Variants in MDGA2 observed in about 807,000 individuals in gnomAD.
MDGA2 encodes MAM domain containing glycosylphosphatidylinositol anchor 2.
Under a neutral mutation model 117.8 loss-of-function variants are expected in MDGA2, and 40 were observed. The observed-to-expected ratio is 0.34, with a 90% CI of 0.26 to 0.44. The LOEUF is 0.44. MDGA2 is among the 20% of genes least tolerant of loss of function. The pLI, the probability that MDGA2 is intolerant of heterozygous loss-of-function variation, is 1.00. For synonymous variants in MDGA2, 452 were observed against 439.0 expected (o/e 1.03, Z -0.37); for missense variants, 1,123 against 1,250.6 (o/e 0.90, Z 1.54).
chr14:47,302,397 C>A (rs2139815598), intron 1 of MDGA2, among the ~76,000 whole-genome samples: 1 of 152,234 alleles, frequency 6.6e-6, no homozygotes, highest in African/African-American at 2.4e-5. Context: ...AGATCAATTC[C>A]TTTTGTGAAC....
intron 14 of MDGA2, among the ~76,000 whole-genome samples, chr14:46,867,022 C>A (rs1881795105): frequency 1.3e-5 from 2 of 152,072 alleles, no homozygotes; most frequent in Admixed American, 1.3e-4. Flanking sequence ...TACCATTTGA[C>A]CCAGCCATCC....
intron 8 of MDGA2, among the ~76,000 whole-genome samples, chr14:46,978,061 CT>C (rs1309447047): frequency 1.3e-5 from 2 of 151,152 alleles, no homozygotes; most frequent in Admixed American, 1.3e-4. Context: ...TTTTATTTTT[CT>C]TGAGGATTAA....
At chr14:46,965,411 A>T (rs989568503) in intron 8 of MDGA2, among the ~76,000 whole-genome samples, 1 of 152,168 alleles carries the variant, frequency 6.6e-6, no homozygotes, top group Admixed American at 6.6e-5. Flanking sequence ...TTGGGTTAAA[A>T]TTCTTCAAAC....
intron 7 of MDGA2, among the ~76,000 whole-genome samples, chr14:47,053,992 C>G (rs531664910): frequency 6.6e-5 from 10 of 152,000 alleles, no homozygotes; most frequent in African/African-American, 2.4e-4. Context: ...TGGGCCTGGA[C>G]TCTGCACTAC....
At chr14:46,992,377 A>G (rs1001064825) in intron 8 of MDGA2, among the ~76,000 whole-genome samples, 1 of 152,134 alleles carries the variant, frequency 6.6e-6, no homozygotes, top group Non-Finnish European at 1.5e-5. Flanking sequence ...GTTCAGGACT[A>G]TTCACCATTC....
chr14:47,457,289 G>C (rs1893375164), intron 1 of MDGA2, among the ~76,000 whole-genome samples: 2 of 152,064 alleles, frequency 1.3e-5, no homozygotes, highest in Admixed American at 6.5e-5. Flanking sequence ...TTTAGATTCA[G>C]GAATATACAT....
chr14:46,891,254 TA>T (rs1379948263), intron 10 of MDGA2, among the ~76,000 whole-genome samples: 7 of 151,896 alleles, frequency 4.6e-5, no homozygotes, highest in Non-Finnish European at 8.8e-5. Flanking sequence ...TATATTTTTA[TA>T]TTTTAACTCT....
intron 1 of MDGA2, among the ~76,000 whole-genome samples, chr14:47,632,466 C>G (rs1371471811): frequency 1.3e-5 from 2 of 152,204 alleles, no homozygotes; most frequent in Non-Finnish European, 2.9e-5. Context: ...ATTCCCTCTA[C>G]TCCAATACAC....
At chr14:47,251,987 A>T (rs1242848213) in intron 2 of MDGA2, among the ~76,000 whole-genome samples, 1 of 151,850 alleles carries the variant, frequency 6.6e-6, no homozygotes. Flanking sequence ...GTGCTACTGG[A>T]AATAAGGGAA....
intron 3 of MDGA2, among the ~76,000 whole-genome samples, chr14:47,152,227 C>T (rs561699900): frequency 6.6e-6 from 1 of 152,178 alleles, no homozygotes; most frequent in East Asian, 1.9e-4. Context: ...AGAAATGTTC[C>T]AAGACAATCT....
Position 47,076,559 on chromosome 14 carries a change from T to C in MDGA2, c.1196-14981A>G, listed in dbSNP as rs564922079. Among the ~76,000 whole-genome samples, 23 of 70,308 alleles carry C rather than the reference T, an allele frequency of 3.3e-4. No homozygotes were observed. The South Asian group carries it at 4.5e-3, about 14-fold the overall frequency. The allele number at this position is 70,308 out of a possible 152,430, so 46.1% of individuals were successfully genotyped here. On this transcript the variant is annotated intron_variant, in intron 6 of 16. Transcript: ENST00000399232. ...GTGTGTGTTATGTATGAGTGTGTGT[T>C]ATGTGTGTGTGTGTGTGTGTGTGTG...
chr14:47,348,364 A>G (rs1224411418), intron 1 of MDGA2, among the ~76,000 whole-genome samples: 4 of 151,922 alleles, frequency 2.6e-5, no homozygotes, highest in Non-Finnish European at 5.9e-5. Context: ...GGCGTGTGAC[A>G]CCACGCCCAG....
chr14:47,510,265 A>G (rs1894611036), intron 1 of MDGA2, among the ~76,000 whole-genome samples: 1 of 152,154 alleles, frequency 6.6e-6, no homozygotes, highest in Non-Finnish European at 1.5e-5. Flanking sequence ...AAACCATATT[A>G]AAACCTTGAT....
chr14:47,160,105 T>C (rs1304780311), intron 3 of MDGA2, among the ~76,000 whole-genome samples: 1 of 152,212 alleles, frequency 6.6e-6, no homozygotes, highest in Non-Finnish European at 1.5e-5. Context: ...CACACCACCA[T>C]TGAATACTCA....
At position 47,029,886 on chromosome 14, in the gene MDGA2, G is replaced by A. The variant is rs549024765; in HGVS notation, c.1819+5125C>T. On this transcript the variant is annotated intron_variant, in intron 8 of 16. Transcript: ENST00000399232. ...TCTGTCACTCATGCTTGAGTGCAGT[G>A]GCAAAATCTCGGGTCACTGCAACCT... Among the ~76,000 whole-genome samples the A allele has an allele frequency of 2.6e-5, 4 of 151,852 alleles. No homozygotes were observed. In the South Asian group the frequency reaches 8.3e-4, roughly 32 times the overall value.
chr14:47,558,089 T>TG (rs1190947177), intron 1 of MDGA2, among the ~76,000 whole-genome samples: 1 of 151,974 alleles, frequency 6.6e-6, no homozygotes, highest in Non-Finnish European at 1.5e-5. Flanking sequence ...TGAAGGCAAG[T>TG]GGGGAGTGTG....
At chr14:47,281,272 A>G (rs933248924) in intron 2 of MDGA2, among the ~76,000 whole-genome samples, 2 of 151,850 alleles carry the variant, frequency 1.3e-5, no homozygotes, top group Non-Finnish European at 2.9e-5. Flanking sequence ...ATCTTAATTA[A>G]TCTATAAAAT....
chr14:47,097,240 C>CTGTATTACT, intron 5 of MDGA2, 117 bp from the exon 6 acceptor site: 1 of 1,067,120 alleles, frequency 9.4e-7, no homozygotes, highest in Admixed American at 2.3e-5. Context: ...TCCTCTTTTG[C>CTGTATTACT]CAAAATCATA....
chr14:47,111,575 G>A (rs1163647512), intron 5 of MDGA2, among the ~76,000 whole-genome samples: 5 of 152,158 alleles, frequency 3.3e-5, no homozygotes, highest in Non-Finnish European at 4.4e-5. Flanking sequence ...TGAAGTGTCC[G>A]TGGAAGAGGT....
Sources: gnomAD v4.1 joint callset for allele counts (sites outside exome capture counted in the v4.1 genomes callset) on GRCh38, gnomAD v4.1.1 for gene constraint, MANE v1.5 for transcripts, NCBI Gene and HGNC (gene_info 2026-07-23, HGNC 2026-07-21) for gene names.